Variants in ERI3 observed in about 807,000 individuals in gnomAD.
The protein encoded by ERI3 is ERI1 exoribonuclease family member 3, also known as ERI1 exoribonuclease 3.
In ERI3, 18 loss-of-function variants were observed where a neutral mutation model predicts 44.4. The ratio of observed to expected loss-of-function variants is 0.41; its 90% confidence interval spans 0.28 to 0.60. ERI3 has a LOEUF of 0.60. Ranked by LOEUF, ERI3 falls within the 20% of genes least tolerant of loss-of-function variation. ERI3 has a pLI of 0.36. For synonymous variants in ERI3, 183 were observed against 164.8 expected (o/e 1.11, Z -0.84); for missense variants, 294 against 435.5 (o/e 0.68, Z 2.89).
chr1:44,301,389 C>T (rs568870909), intron 6 of ERI3, among the ~76,000 whole-genome samples: 18 of 152,280 alleles, frequency 1.2e-4, no homozygotes. Flanking sequence ...TGACCCACTG[C>T]CCTCATGTTC....
At chr1:44,279,718 A>G (rs1355353165) in intron 7 of ERI3, among the ~76,000 whole-genome samples, 1 of 152,198 alleles carries the variant, frequency 6.6e-6, no homozygotes, top group Non-Finnish European at 1.5e-5. Flanking sequence ...TGCTCAAATC[A>G]TAAATCCTGG....
At chr1:44,281,597 A>ATAT (rs1553189565) in intron 7 of ERI3, among the ~76,000 whole-genome samples, 1 of 127,610 alleles carries the variant, frequency 7.8e-6, no homozygotes, top group African/African-American at 3.2e-5. Context: ...CGAAAAAAAA[A>ATAT]AAAAATATAT....
At chr1:44,293,214 G>A (rs1645543914) in intron 6 of ERI3, among the ~76,000 whole-genome samples, 1 of 152,256 alleles carries the variant, frequency 6.6e-6, no homozygotes, top group Non-Finnish European at 1.5e-5. Flanking sequence ...TGGCAGAAAG[G>A]GGTGGGGCAA....
At chr1:44,331,468 T>C (rs939597376) in intron 3 of ERI3, among the ~76,000 whole-genome samples, 8 of 152,122 alleles carry the variant, frequency 5.3e-5, no homozygotes, top group Non-Finnish European at 8.8e-5. Flanking sequence ...CCTCAGAGCC[T>C]TAGCTTACAC....
chr1:44,267,255 T>C (rs1054314777), intron 7 of ERI3, among the ~76,000 whole-genome samples: 1 of 152,104 alleles, frequency 6.6e-6, no homozygotes, highest in Non-Finnish European at 1.5e-5. Flanking sequence ...GAGGGGAAGA[T>C]CTGGGGCTTA....
chr1:44,242,995 C>T (rs925159455), intron 8 of ERI3, among the ~76,000 whole-genome samples: 3 of 152,222 alleles, frequency 2.0e-5, no homozygotes, highest in Admixed American at 6.5e-5. Context: ...CCTGAGCCGA[C>T]GATTCTCCCG....
intron 7 of ERI3, among the ~76,000 whole-genome samples, chr1:44,256,244 T>C (rs1228129736): frequency 2.0e-5 from 3 of 152,300 alleles, no homozygotes; most frequent in Non-Finnish European, 2.9e-5. Context: ...TCAGGAACCA[T>C]AGCTGTTCTT....
chr1:44,323,491 T>C (rs932967688), intron 3 of ERI3, among the ~76,000 whole-genome samples: 1 of 152,162 alleles, frequency 6.6e-6, no homozygotes, highest in African/African-American at 2.4e-5. Context: ...ATCAATACTA[T>C]TAAGCATCTA....
intron 3 of ERI3, 92 bp downstream of exon 3, chr1:44,338,953 T>G: frequency 1.4e-5 from 21 of 1,455,664 alleles, no homozygotes; most frequent in Non-Finnish European, 2.0e-5. Flanking sequence ...CAGGAAGGCA[T>G]GAGAAAGCTC....
chr1:44,236,230 C>T (rs1644301516), intron 8 of ERI3, among the ~76,000 whole-genome samples: 1 of 152,178 alleles, frequency 6.6e-6, no homozygotes, highest in Non-Finnish European at 1.5e-5. Flanking sequence ...CAATTTAACT[C>T]AATTCAAACA....
At chr1:44,254,661 CA>C (rs757280055) in intron 7 of ERI3, among the ~76,000 whole-genome samples, 13 of 152,134 alleles carry the variant, frequency 8.5e-5, no homozygotes, top group Non-Finnish European at 1.6e-4. Context: ...TAGCAACCCT[CA>C]ATGGTACTCA....
intron 6 of ERI3, among the ~76,000 whole-genome samples, chr1:44,286,102 A>G (rs756466266): frequency 2.0e-5 from 3 of 152,222 alleles, no homozygotes; most frequent in Non-Finnish European, 4.4e-5. Context: ...GCTTCATGCT[A>G]CTCACTAAGA....
chr1:44,340,882 G>A (rs1646639327), intron 2 of ERI3, among the ~76,000 whole-genome samples: 1 of 152,190 alleles, frequency 6.6e-6, no homozygotes, highest in South Asian at 2.1e-4. Context: ...AAGGGCAAGA[G>A]GGCCAATATC....
intron 6 of ERI3, among the ~76,000 whole-genome samples, chr1:44,287,222 C>T (rs556300497): frequency 6.6e-6 from 1 of 152,270 alleles, no homozygotes; most frequent in East Asian, 1.9e-4. Flanking sequence ...CATCAGTGGA[C>T]TGAGTGTGGG....
rs183552492 is a variant in ERI3 at position 44,254,055 on chromosome 1, A to G, written c.832-6017T>C. On this transcript the variant is annotated intron_variant, in intron 7 of 8. Coordinates refer to ENST00000372257, the MANE Select transcript of ERI3 (RefSeq NM_024066.3). Reference sequence around the variant, plus strand: ...CAATACCTAACTCACTCCTGGATATACTCTGCAGATGTCTTCAAATTCTTT... The same window carrying G: ...CAATACCTAACTCACTCCTGGATATGCTCTGCAGATGTCTTCAAATTCTTT... 1.6e-4 allele frequency among the ~76,000 whole-genome samples: 24 copies of G among 152,250 alleles called. No homozygotes were observed. The East Asian group carries it at 4.4e-3, about 28-fold the overall frequency.
At chr1:44,313,111 G>T in intron 5 of ERI3, 58 bp downstream of exon 5, 1 of 1,418,666 alleles carries the variant, frequency 7.0e-7, no homozygotes, top group Non-Finnish European at 1.0e-6. Context: ...AGGAGGGGAG[G>T]GAGAGAAAGG....
intron 5 of ERI3, among the ~76,000 whole-genome samples, chr1:44,310,951 T>TCGTGCGCGCGCG (rs1553195163): frequency 5.3e-5 from 5 of 95,036 alleles, no homozygotes; most frequent in African/African-American, 2.1e-4. Context: ...TATGTGCACA[T>TCGTGCGCGCGCG]CGCGCGCGCG....
rs548623601 is a variant in ERI3 at position 44,283,464 on chromosome 1, A to C, written c.831+1371T>G. 4.3e-4 allele frequency among the ~76,000 whole-genome samples: 66 copies of C among 152,314 alleles called. No individual in the cohort carries two copies. In the South Asian group the frequency reaches 0.013, roughly 31 times the overall value. On this transcript the variant is annotated intron_variant, in intron 7 of 8. Coordinates refer to ENST00000372257, the MANE Select transcript of ERI3 (RefSeq NM_024066.3). ...GGCTTCTCAGCAGAAGTGATACCTG[A>C]GGTGAATCTTCCAGGGCAGGGAATA...
chr1:44,224,874 AAT>A (rs1643997614), intron 8 of ERI3, among the ~76,000 whole-genome samples: 1 of 152,180 alleles, frequency 6.6e-6, no homozygotes, highest in South Asian at 2.1e-4. Flanking sequence ...AAGTCAGTGG[AAT>A]GGCAGTCATG....
Sources: allele counts gnomAD v4.1 joint callset (sites outside exome capture counted in the v4.1 genomes callset), GRCh38; gene constraint gnomAD v4.1.1; transcripts MANE v1.5; gene names NCBI Gene and HGNC (gene_info 2026-07-23, HGNC 2026-07-21).